The following GRM8 variants were observed in gnomAD, a reference collection of about 807,000 sequenced individuals.
GRM8 encodes glutamate metabotropic receptor 8.
A neutral mutation model predicts 87.2 loss-of-function variants in GRM8; 47 were observed. The observed-to-expected ratio is 0.54, with a 90% CI of 0.43 to 0.69. GRM8 has a LOEUF of 0.69. Ranked by LOEUF, GRM8 falls within the 30% of genes least tolerant of loss-of-function variation. GRM8 has a pLI of 0.00. For missense variants in GRM8, 1,019 were observed against 1,139.2 expected, an observed-to-expected ratio of 0.89 and a Z score of 1.52; for synonymous variants, 396 against 404.5, an observed-to-expected ratio of 0.98 and a Z score of 0.25.
chr7:127,071,335 T>C (rs1358727175), intron 3 of GRM8, among the ~76,000 whole-genome samples: 1 of 152,210 alleles, frequency 6.6e-6, no homozygotes, highest in East Asian at 1.9e-4. Context: ...TAATTTGATA[T>C]CCTAGAGTAT....
intron 8 of GRM8, among the ~76,000 whole-genome samples, chr7:126,557,881 A>G (rs1793314862): frequency 1.3e-5 from 2 of 152,206 alleles, no homozygotes; most frequent in Admixed American, 1.3e-4. Context: ...AATACCAAAA[A>G]GTAATATAAA....
chr7:126,621,608 A>G (rs1800182581), intron 7 of GRM8, among the ~76,000 whole-genome samples: 1 of 151,878 alleles, frequency 6.6e-6, no homozygotes, highest in Non-Finnish European at 1.5e-5. Context: ...TAGTAGAGAC[A>G]GGGTTTCACC....
chr7:127,107,601 G>A (rs988819706), intron 2 of GRM8, among the ~76,000 whole-genome samples: 2 of 152,152 alleles, frequency 1.3e-5, no homozygotes, highest in Admixed American at 6.5e-5. Flanking sequence ...ACTTGTACAT[G>A]AAAAAATTAA....
intron 7 of GRM8, among the ~76,000 whole-genome samples, chr7:126,729,802 G>C (rs1813400294): frequency 6.6e-6 from 1 of 152,092 alleles, no homozygotes. Context: ...GGGTTTGTAA[G>C]AATAAGTAAA....
intron 8 of GRM8, among the ~76,000 whole-genome samples, chr7:126,535,877 A>G (rs1380733952): frequency 6.6e-6 from 1 of 152,200 alleles, no homozygotes; most frequent in Non-Finnish European, 1.5e-5. Context: ...GGAGCCACCT[A>G]GAAAGTCATC....
intron 7 of GRM8, among the ~76,000 whole-genome samples, chr7:126,707,797 G>C (rs11982932): frequency 1.2e-3 from 189 of 151,946 alleles, no homozygotes; most frequent in Non-Finnish European, 1.6e-3. Flanking sequence ...AAAAGCCTAG[G>C]AAAAAAACAT....
At position 126,614,822 on chromosome 7, in the gene GRM8, G is replaced by GA. The variant is rs565786709; in HGVS notation, c.1358-5325dup. On this transcript the variant is annotated intron_variant, in intron 7 of 10. Coordinates refer to ENST00000339582, the MANE Select transcript of GRM8 (RefSeq NM_000845.3). The stretch of plus-strand genomic sequence containing the variant: ...AATGAAGCGAGAACAGAAGTTTAGA[G>GA]AAAAAAGAGTAAAAAGGAAAGAACA... Among the ~76,000 whole-genome samples the GA allele has an allele frequency of 6.0e-4, 92 of 152,236 alleles. 1 individual carries two copies. Among genetic ancestry groups the GA allele is most frequent in the Admixed American group, 1.4e-3 (22 of 15,302 alleles).
chr7:127,226,710 T>C (rs4731344), intron 2 of GRM8, among the ~76,000 whole-genome samples: 55,844 of 152,144 alleles, frequency 0.37, 10,664 homozygotes, highest in African/African-American at 0.48. Flanking sequence ...GCTCTTTCTG[T>C]CTTGAGCTGA....
chr7:126,465,412 A>G (rs140685314), intron 9 of GRM8: 1 of 151,686 alleles, frequency 6.6e-6, no homozygotes, highest in East Asian at 1.9e-4. Flanking sequence ...ATTAATGTAT[A>G]GCTCAATCTC....
At chr7:126,678,412 C>T (rs149709519) in intron 7 of GRM8, among the ~76,000 whole-genome samples, 2 of 152,286 alleles carry the variant, frequency 1.3e-5, no homozygotes, top group East Asian at 3.9e-4. Context: ...TCACGTCTTT[C>T]ATCCATAAAA....
chr7:126,511,081 C>G (rs566189191), intron 9 of GRM8: 1 of 152,062 alleles, frequency 6.6e-6, no homozygotes, highest in Non-Finnish European at 1.5e-5. Context: ...GAGAAGTCTG[C>G]CTTTTCTTTT....
At chr7:126,838,840 A>C (rs947330234) in intron 6 of GRM8, among the ~76,000 whole-genome samples, 9 of 152,190 alleles carry the variant, frequency 5.9e-5, no homozygotes, top group African/African-American at 2.2e-4. Flanking sequence ...CTAAAAGATT[A>C]CCATGGACTC....
chr7:127,052,342 T>C (rs146591961), intron 3 of GRM8, among the ~76,000 whole-genome samples: 33 of 152,326 alleles, frequency 2.2e-4, no homozygotes, highest in African/African-American at 7.9e-4. Flanking sequence ...CCTCTATGCA[T>C]AGGCAACAAC....
rs549307132 is a variant in GRM8, at chr7:127,169,973, T to C, written c.511-63261A>G. Reference sequence around the variant, plus strand: ...GAGATATACAAGGAGATAACTGTGATTTTCATGCCTGCTAACACAATATCC... The same window carrying C: ...GAGATATACAAGGAGATAACTGTGACTTTCATGCCTGCTAACACAATATCC... On this transcript the variant is annotated intron_variant, in intron 2 of 10. Transcript: ENST00000339582. Among the ~76,000 whole-genome samples, 6 of 152,316 alleles carry C rather than the reference T, an allele frequency of 3.9e-5. No individual in the cohort carries two copies. In the South Asian group the frequency reaches 1.2e-3, roughly 32 times the overall value.
At chr7:126,684,241 G>GTCAC (rs1485753852) in intron 7 of GRM8, among the ~76,000 whole-genome samples, 1 of 152,186 alleles carries the variant, frequency 6.6e-6, no homozygotes, top group African/African-American at 2.4e-5. Flanking sequence ...GGCTACTGTA[G>GTCAC]TCACAGCAGA....
chr7:126,930,116 C>CT (rs1411451989), intron 3 of GRM8, among the ~76,000 whole-genome samples: 1 of 152,116 alleles, frequency 6.6e-6, no homozygotes, highest in African/African-American at 2.4e-5. Context: ...GAGCAAAGCC[C>CT]TTACTGAGCT....
intron 2 of GRM8, among the ~76,000 whole-genome samples, chr7:127,238,511 C>T (rs543253399): frequency 2.6e-4 from 39 of 152,232 alleles, no homozygotes; most frequent in Middle Eastern, 6.8e-3. Context: ...TCCTGCCATT[C>T]GAAAAGCCTC....
rs571146768 is a variant in GRM8 at position 127,213,720 on chromosome 7, G to A, written c.510+28975C>T. Among the ~76,000 whole-genome samples the A allele has an allele frequency of 2.2e-3, 337 of 152,168 alleles. 1 individual carries two copies. Among genetic ancestry groups the A allele is most frequent in the Admixed American group, 4.2e-3 (64 of 15,290 alleles). ...CTTTCTTCACTAGGTCTAATCTGTT[G>A]TTAATCCATCCATCCATTACATTAG... On this transcript the variant is annotated intron_variant, in intron 2 of 10. Coordinates refer to ENST00000339582, the MANE Select transcript of GRM8 (RefSeq NM_000845.3).
At chr7:126,988,404 T>C (rs1453281947) in intron 3 of GRM8, among the ~76,000 whole-genome samples, 1 of 152,236 alleles carries the variant, frequency 6.6e-6, no homozygotes, top group Non-Finnish European at 1.5e-5. Flanking sequence ...AAACTACTTT[T>C]CTAAAATGTC....
Sources: allele counts gnomAD v4.1 joint callset (sites outside exome capture counted in the v4.1 genomes callset), GRCh38; gene constraint gnomAD v4.1.1; transcripts MANE v1.5; gene names NCBI Gene and HGNC (gene_info 2026-07-23, HGNC 2026-07-21).